The following ORC4 variants were observed in gnomAD, a reference collection of about 807,000 sequenced individuals.
ORC4 encodes origin recognition complex, subunit 4 homolog.
Under a neutral mutation model 63.9 loss-of-function variants are expected in ORC4, and 55 were observed. That is an observed-to-expected ratio of 0.86 (90% CI 0.69 to 1.08). The LOEUF (loss-of-function observed/expected upper bound fraction) is 1.08. ORC4 is among the 50% of genes least tolerant of loss of function. The pLI is 0.00. For synonymous variants in ORC4, 150 were observed against 168.5 expected, an observed-to-expected ratio of 0.89 and a Z score of 0.85; for missense variants, 511 against 504.4, an observed-to-expected ratio of 1.01 and a Z score of -0.13.
intron 1 of ORC4, among the ~76,000 whole-genome samples, chr2:148,005,333 A>G (rs1194157008): frequency 2.6e-5 from 4 of 152,098 alleles, no homozygotes; most frequent in East Asian, 1.9e-4. Flanking sequence ...GCATGTTCCC[A>G]TAAGTGGGAG....
chr2:147,986,790 T>TACACACACACACACACACACACAC (rs70992183), intron 1 of ORC4, among the ~76,000 whole-genome samples: 1 of 148,540 alleles, frequency 6.7e-6, no homozygotes, highest in Admixed American at 6.7e-5. Context: ...CACACACACA[T>TACACACACACACACACACACACAC]ACACACACAC....
intron 4 of ORC4, among the ~76,000 whole-genome samples, chr2:147,971,770 C>T (rs2105347114): frequency 6.6e-6 from 1 of 151,922 alleles, no homozygotes; most frequent in Admixed American, 6.6e-5. Flanking sequence ...ACAAATTAAA[C>T]ATAGATTTGA....
chr2:148,013,603 GA>G, intron 1 of ORC4, among the ~76,000 whole-genome samples: 2 of 152,088 alleles, frequency 1.3e-5, no homozygotes. Context: ...ACAAAGAAAT[GA>G]CAAATACTTG....
chr2:147,946,680 A>C (rs1336490091), intron 9 of ORC4, among the ~76,000 whole-genome samples: 1 of 152,120 alleles, frequency 6.6e-6, no homozygotes, highest in Non-Finnish European at 1.5e-5. Flanking sequence ...TTTAAAGATA[A>C]TGTCAGCTAT....
chr2:147,955,498 A>C (rs1192267704), intron 6 of ORC4, 103 bp from the exon 7 acceptor site: 1 of 780,168 alleles, frequency 1.3e-6, no homozygotes, highest in Non-Finnish European at 2.2e-6. Context: ...TATATCTTCT[A>C]GTTATTAGAG....
At chr2:148,009,739 T>G (rs1418248205) in intron 1 of ORC4, among the ~76,000 whole-genome samples, 1 of 152,194 alleles carries the variant, frequency 6.6e-6, no homozygotes, top group Non-Finnish European at 1.5e-5. Flanking sequence ...TTACAGAAGC[T>G]GTCATCCAAC....
At chr2:147,965,803 C>G (rs1689861517) in intron 4 of ORC4, among the ~76,000 whole-genome samples, 1 of 152,154 alleles carries the variant, frequency 6.6e-6, no homozygotes, top group Non-Finnish European at 1.5e-5. Flanking sequence ...TTCTCCAAGA[C>G]TGACCTCATG....
intron 1 of ORC4, among the ~76,000 whole-genome samples, chr2:148,016,382 T>C (rs1166395283): frequency 1.3e-5 from 2 of 152,178 alleles, no homozygotes; most frequent in Non-Finnish European, 2.9e-5. Context: ...CCATTACATC[T>C]GAGAAGTATG....
chr2:148,001,506 A>C (rs1243076105), intron 1 of ORC4, among the ~76,000 whole-genome samples: 1 of 152,208 alleles, frequency 6.6e-6, no homozygotes, highest in African/African-American at 2.4e-5. Context: ...ATCCAGCCAA[A>C]CTAAGCTTCA....
intron 1 of ORC4, among the ~76,000 whole-genome samples, chr2:148,011,732 G>A (rs1489741202): frequency 6.6e-6 from 1 of 152,008 alleles, no homozygotes; most frequent in Non-Finnish European, 1.5e-5. Flanking sequence ...TCCAACAAAC[G>A]ACTATTAGAA....
At chr2:147,956,748 C>T (rs560024117) in intron 6 of ORC4, among the ~76,000 whole-genome samples, 81 of 152,108 alleles carry the variant, frequency 5.3e-4, no homozygotes, top group African/African-American at 1.9e-3. Context: ...ACAACTTAAA[C>T]TAATAATCTC....
intron 6 of ORC4, among the ~76,000 whole-genome samples, chr2:147,958,076 G>C (rs1267037816): frequency 6.6e-6 from 1 of 152,020 alleles, no homozygotes; most frequent in Non-Finnish European, 1.5e-5. Context: ...GGGTTTCTTA[G>C]CTATTTTACA....
At chr2:147,980,679 G>T (rs1047259631) in intron 1 of ORC4, among the ~76,000 whole-genome samples, 2 of 152,094 alleles carry the variant, frequency 1.3e-5, no homozygotes, top group African/African-American at 4.8e-5. Flanking sequence ...TTTCACACCT[G>T]CTAGGAAGGC....
chr2:147,991,501 C>T (rs1405828759), intron 1 of ORC4, among the ~76,000 whole-genome samples: 1 of 152,028 alleles, frequency 6.6e-6, no homozygotes. Flanking sequence ...AGAGTTAATA[C>T]TATGATATGT....
intron 1 of ORC4, among the ~76,000 whole-genome samples, chr2:147,991,646 T>C (rs928984955): frequency 2.0e-5 from 3 of 151,964 alleles, no homozygotes; most frequent in African/African-American, 4.8e-5. Flanking sequence ...CTAGACAACA[T>C]GGTGAAACCC....
chr2:147,994,861 C>T (rs555553401), intron 1 of ORC4, among the ~76,000 whole-genome samples: 2 of 152,198 alleles, frequency 1.3e-5, no homozygotes, highest in Non-Finnish European at 2.9e-5. Flanking sequence ...CCTGTCTCTA[C>T]TAAAAATACA....
chr2:147,936,014 T>C (rs2105248891), intron 13 of ORC4, among the ~76,000 whole-genome samples: 1 of 152,320 alleles, frequency 6.6e-6, no homozygotes, highest in East Asian at 1.9e-4. Context: ...AGTACTTTAA[T>C]AAATAGTTTC....
intron 1 of ORC4, among the ~76,000 whole-genome samples, chr2:147,980,658 A>G (rs1358713028): frequency 6.6e-6 from 1 of 152,226 alleles, no homozygotes; most frequent in East Asian, 1.9e-4. Context: ...CAAAACCACA[A>G]TGAGATAACA....
chr2:147,994,494 A>T (rs2105411888), intron 1 of ORC4, among the ~76,000 whole-genome samples: 1 of 152,332 alleles, frequency 6.6e-6, no homozygotes, highest in South Asian at 2.1e-4. Context: ...GAAAGAACAG[A>T]CAAATCAAGG....
Sources: gnomAD v4.1 joint callset for allele counts (sites outside exome capture counted in the v4.1 genomes callset) on GRCh38, gnomAD v4.1.1 for gene constraint, MANE v1.5 for transcripts, NCBI Gene and HGNC (gene_info 2026-07-23, HGNC 2026-07-21) for gene names.